The following CMSS1 variants were observed in gnomAD, a reference collection of about 807,000 sequenced individuals.
The protein encoded by CMSS1 is protein CMSS1.
Under a neutral mutation model 43.5 loss-of-function variants are expected in CMSS1, and 33 were observed. That is an observed-to-expected ratio of 0.76 (90% CI 0.57 to 1.01). The LOEUF is 1.01. Among genes scored for constraint, CMSS1 ranks in the 50% least tolerant of loss-of-function variants. The pLI is 0.00. For missense variants in CMSS1, 313 were observed against 326.4 expected, an observed-to-expected ratio of 0.96 and a Z score of 0.32; for synonymous variants, 115 against 117.2, an observed-to-expected ratio of 0.98 and a Z score of 0.12.
At chr3:100,079,517 G>T (rs1037406379) in intron 1 of CMSS1, among the ~76,000 whole-genome samples, 4 of 152,120 alleles carry the variant, frequency 2.6e-5, no homozygotes, top group African/African-American at 9.7e-5. Context: ...AAAATCAAAA[G>T]AGTTATTTTA....
intron 1 of CMSS1, among the ~76,000 whole-genome samples, chr3:99,867,021 G>A (rs1226776822): frequency 6.6e-6 from 1 of 152,190 alleles, no homozygotes; most frequent in Admixed American, 6.5e-5. Context: ...ATACTGAGAA[G>A]ACAGAAAATG....
At chr3:100,064,633 G>T (rs1306555523) in intron 1 of CMSS1, among the ~76,000 whole-genome samples, 1 of 152,170 alleles carries the variant, frequency 6.6e-6, no homozygotes, top group Non-Finnish European at 1.5e-5. Context: ...ACTGGCAAAA[G>T]GGCTTGGAAA....
chr3:99,919,006 T>C (rs965050832), intron 1 of CMSS1, among the ~76,000 whole-genome samples: 1 of 152,220 alleles, frequency 6.6e-6, no homozygotes, highest in African/African-American at 2.4e-5. Context: ...AACAATAGTT[T>C]AGTGTGTATG....
chr3:100,149,414 T>C (rs1335746228), intron 2 of CMSS1, among the ~76,000 whole-genome samples: 1 of 152,182 alleles, frequency 6.6e-6, no homozygotes, highest in Non-Finnish European at 1.5e-5. Context: ...GGATTAACCG[T>C]GTTCTCATGT....
At chr3:100,070,863 T>G (rs2065749625) in intron 1 of CMSS1, among the ~76,000 whole-genome samples, 1 of 152,214 alleles carries the variant, frequency 6.6e-6, no homozygotes, top group Admixed American at 6.5e-5. Flanking sequence ...ACTCCTGACT[T>G]CAGGCGATCT....
intron 1 of CMSS1, among the ~76,000 whole-genome samples, chr3:99,925,152 A>G (rs961324565): frequency 5.9e-5 from 9 of 152,188 alleles, no homozygotes; most frequent in Admixed American, 5.9e-4. Context: ...CTCTACCAGG[A>G]CATGCTATGA....
Position 100,179,969 on chromosome 3 carries a change from C to T in CMSS1, c.*1581C>T, listed in dbSNP as rs2107536873. 1 of 152,464 alleles carries T rather than the reference C, an allele frequency of 6.6e-6. No individual in the cohort carries two copies. The highest frequency in any genetic ancestry group is 2.4e-5 in the African/African-American group (1 of 41,598). 9.4% of individuals were successfully genotyped at this position (152,464 alleles called of 1,614,324 possible). ...CCTCAGCTCTTGCCTTCTGCACACCCATAAGCCCAACAGCACGTGGAAGCT... is the reference window on the plus strand; with the variant it reads ...CCTCAGCTCTTGCCTTCTGCACACCTATAAGCCCAACAGCACGTGGAAGCT... On this transcript the variant is annotated 3_prime_UTR_variant, in exon 10 of 10. Coordinates refer to ENST00000421999, the MANE Select transcript of CMSS1 (RefSeq NM_032359.4).
Position 99,817,889 on chromosome 3 carries a change from C to T in CMSS1, c.-91C>T, listed in dbSNP as rs1047349811. 4.2e-5 allele frequency: 58 copies of T among 1,377,210 alleles called. No individual in the cohort carries two copies. The highest frequency in any genetic ancestry group is 5.6e-5 in the Non-Finnish European group (55 of 978,994). The allele number at this position is 1,377,210 out of a possible 1,614,324, so 85.3% of individuals were successfully genotyped here. A position where few individuals can be genotyped will look rare whatever the true frequency, so the allele number is the denominator to read the frequency against. ...TGTCTAGCGGGAGCTCCGCGTGTAG[C>T]TACGCCGGCCGCCTGGCTTTGAGAC... On this transcript the variant is annotated 5_prime_UTR_variant, in exon 1 of 10. Transcript: ENST00000421999.
intron 1 of CMSS1, among the ~76,000 whole-genome samples, chr3:100,008,199 C>G (rs1004797736): frequency 6.6e-6 from 1 of 152,106 alleles, no homozygotes; most frequent in Non-Finnish European, 1.5e-5. Context: ...AAGGAAGGAG[C>G]CTTTCCATAA....
At chr3:99,975,394 C>A (rs1708939567) in intron 1 of CMSS1, among the ~76,000 whole-genome samples, 1 of 152,114 alleles carries the variant, frequency 6.6e-6, no homozygotes. Flanking sequence ...GAGTTCAAGA[C>A]CAGCTTGACC....
rs907721393 is a variant in CMSS1 at position 99,817,987 on chromosome 3, A to G, written c.8A>G (p.Asp3Gly). MA[D>G]DLGDEWWENQ... The stretch of plus-strand genomic sequence containing the variant: ...GTCGAGACCTGAGCTGAAATGGCAG[A>G]CGATCTCGGAGACGAGTGGTGGGAG... Residue 3 changes from aspartate (D) to glycine (G), a missense_variant, in exon 1 of 10, where the codon GAC becomes GGC. Transcript: ENST00000421999. The G allele has an allele frequency of 6.2e-7, 1 of 1,614,006 alleles. No individual in the cohort carries two copies. Among genetic ancestry groups the G allele is most frequent in the African/African-American group, 1.3e-5 (1 of 75,054 alleles).
At chr3:100,087,832 C>CT (rs755041519) in intron 1 of CMSS1, among the ~76,000 whole-genome samples, 2,595 of 114,092 alleles carry the variant, frequency 0.023, 73 homozygotes, top group African/African-American at 0.047. Context: ...ATTGTTTCAA[C>CT]TTTTTTTTTT....
At chr3:100,138,646 C>T (rs2066775821) in intron 1 of CMSS1, among the ~76,000 whole-genome samples, 1 of 152,188 alleles carries the variant, frequency 6.6e-6, no homozygotes, top group South Asian at 2.1e-4. Flanking sequence ...GAGATACCAT[C>T]TCATGCAAGT....
chr3:99,825,117 A>G (rs1323435299), intron 1 of CMSS1, among the ~76,000 whole-genome samples: 2 of 152,184 alleles, frequency 1.3e-5, no homozygotes, highest in Admixed American at 6.5e-5. Context: ...GTTGTAAGGC[A>G]TTGTCTCTAC....
intron 1 of CMSS1, among the ~76,000 whole-genome samples, chr3:100,004,681 G>A (rs537459551): frequency 1.5e-4 from 23 of 152,180 alleles, no homozygotes; most frequent in Non-Finnish European, 2.6e-4. Flanking sequence ...AGCACCATAG[G>A]TGGGGGTTGA....
At chr3:99,951,194 A>G (rs1182839285) in intron 1 of CMSS1, among the ~76,000 whole-genome samples, 1 of 152,176 alleles carries the variant, frequency 6.6e-6, no homozygotes, top group African/African-American at 2.4e-5. Context: ...CTTAGCCTTC[A>G]GCCCTCAGCT....
intron 1 of CMSS1, among the ~76,000 whole-genome samples, chr3:100,033,707 A>G (rs1364583285): frequency 6.6e-6 from 1 of 152,160 alleles, no homozygotes; most frequent in African/African-American, 2.4e-5. Context: ...ACAATTCAGA[A>G]TTGATTTTAA....
At chr3:100,017,858 T>C (rs948664939) in intron 1 of CMSS1, among the ~76,000 whole-genome samples, 2 of 152,112 alleles carry the variant, frequency 1.3e-5, no homozygotes, top group Non-Finnish European at 2.9e-5. Flanking sequence ...ACCATCAGCT[T>C]TCTATTTCTC....
chr3:99,997,846 C>T (rs35521705), intron 1 of CMSS1, among the ~76,000 whole-genome samples: 28,740 of 152,128 alleles, frequency 0.19, 2,991 homozygotes, highest in South Asian at 0.25. Flanking sequence ...ATAAGTCATG[C>T]TCTTATTACA....
Sources: allele counts gnomAD v4.1 joint callset (sites outside exome capture counted in the v4.1 genomes callset), GRCh38; gene constraint gnomAD v4.1.1; transcripts MANE v1.5; gene names NCBI Gene and HGNC (gene_info 2026-07-23, HGNC 2026-07-21).